AKAP6: variants seen among roughly 807,000 people sequenced by gnomAD.
AKAP6 encodes A-kinase anchor protein 6.
A neutral mutation model predicts 188.5 loss-of-function variants in AKAP6; 58 were observed. The observed-to-expected ratio is 0.31, with a 90% CI of 0.25 to 0.38. The LOEUF is 0.38. Ranked by LOEUF, AKAP6 falls within the 10% of genes least tolerant of loss-of-function variation. AKAP6 has a pLI of 1.00. For synonymous variants in AKAP6, 989 were observed against 998.6 expected (o/e 0.99, Z 0.18); for missense variants, 2,710 against 2,740.0 (o/e 0.99, Z 0.24).
At chr14:32,753,646 TG>T (rs1375321414) in intron 11 of AKAP6, among the ~76,000 whole-genome samples, 4 of 152,026 alleles carry the variant, frequency 2.6e-5, no homozygotes, top group African/African-American at 9.7e-5. Flanking sequence ...ATAGCAATTT[TG>T]GTTTTATGTT....
intron 12 of AKAP6, among the ~76,000 whole-genome samples, chr14:32,779,253 T>C (rs1343615723): frequency 6.6e-6 from 1 of 150,968 alleles, no homozygotes; most frequent in Non-Finnish European, 1.5e-5. Context: ...AAATAAAAAA[T>C]TAGCCAGGCA....
chr14:32,733,569 A>T (rs1478816818), intron 10 of AKAP6: 2 of 152,168 alleles, frequency 1.3e-5, no homozygotes, highest in East Asian at 3.8e-4. Context: ...GATTTGGAGG[A>T]ATGCCAGTAT....
chr14:32,663,812 G>A (rs879341978), intron 7 of AKAP6, among the ~76,000 whole-genome samples: 1 of 152,088 alleles, frequency 6.6e-6, no homozygotes, highest in Non-Finnish European at 1.5e-5. Flanking sequence ...ACTGGTTGAG[G>A]CTGAGGTCAG....
chr14:32,377,779 A>G (rs915347887), intron 1 of AKAP6, among the ~76,000 whole-genome samples: 3 of 152,214 alleles, frequency 2.0e-5, no homozygotes, highest in African/African-American at 7.2e-5. Flanking sequence ...CTTGTTTAAG[A>G]GCCCCTGAGT....
At chr14:32,330,888 A>G (rs1430693526) in intron 1 of AKAP6, among the ~76,000 whole-genome samples, 3 of 151,818 alleles carry the variant, frequency 2.0e-5, no homozygotes, top group Admixed American at 6.6e-5. Context: ...GCTGTATAGG[A>G]TGGGAGAGGT....
At chr14:32,571,340 A>C (rs375058393) in intron 4 of AKAP6, among the ~76,000 whole-genome samples, 3 of 152,156 alleles carry the variant, frequency 2.0e-5, no homozygotes, top group South Asian at 2.1e-4. Flanking sequence ...CCTGTGCAAC[A>C]CAGTGAGACC....
At chr14:32,574,312 T>C (rs1884627072) in intron 4 of AKAP6, among the ~76,000 whole-genome samples, 2 of 152,196 alleles carry the variant, frequency 1.3e-5, no homozygotes, top group Non-Finnish European at 1.5e-5. Flanking sequence ...AGAGGACTCC[T>C]GTTTCCCCTA....
chr14:32,696,011 A>C lies in AKAP6; in HGVS notation c.2901A>C (p.Glu967Asp), dbSNP rs1442414247. 6.2e-7 allele frequency: 1 copy of C among 1,613,274 alleles called. No homozygotes were observed. The highest frequency in any genetic ancestry group is 2.2e-5 in the East Asian group (1 of 44,828). ...GSNGLLDFDS[E>D]YQELWDWLID... ...TCAGGCTTCTGGACTTTGATTCAGA[A>C]TATCAGGAGCTCTGGGATTGGCTGA... is the stretch of plus-strand genomic sequence containing the variant. Residue 967 changes from glutamate to aspartate, a missense_variant, in exon 9 of 14, where the codon GAA becomes GAC. Transcript: ENST00000280979.
At chr14:32,585,466 G>A (rs548479658) in intron 5 of AKAP6, among the ~76,000 whole-genome samples, 4 of 150,830 alleles carry the variant, frequency 2.7e-5, no homozygotes, top group African/African-American at 4.9e-5. Context: ...GACTGTGGGG[G>A]AAAATGGTGA....
intron 4 of AKAP6, among the ~76,000 whole-genome samples, chr14:32,559,163 G>T (rs1015994268): frequency 2.0e-5 from 3 of 152,200 alleles, no homozygotes; most frequent in Non-Finnish European, 2.9e-5. Context: ...GTATCATTGA[G>T]TTTGAACTTT....
intron 5 of AKAP6, among the ~76,000 whole-genome samples, chr14:32,582,607 C>T (rs556378522): frequency 1.3e-5 from 2 of 152,170 alleles, no homozygotes. Flanking sequence ...TCCATTCTCC[C>T]TGTCACTTTC....
At position 32,658,678 on chromosome 14, in the gene AKAP6, T is replaced by C. The variant is rs1426850773; in HGVS notation, c.2731-19633T>C. Among the ~76,000 whole-genome samples the C allele has an allele frequency of 3.3e-5, 5 of 151,666 alleles. No homozygotes were observed. In the Admixed American group the frequency reaches 3.3e-4, roughly 10 times the overall value. On this transcript the variant is annotated intron_variant, in intron 7 of 13. Transcript: ENST00000280979. ...TGATTTGCATCTAGTAGGGTTTCAA[T>C]TAACTGCATTGAAAACTTAAATAAC...
intron 12 of AKAP6, among the ~76,000 whole-genome samples, chr14:32,815,585 T>G (rs1316870826): frequency 6.6e-6 from 1 of 152,228 alleles, no homozygotes; most frequent in Non-Finnish European, 1.5e-5. Context: ...TCATTTACAG[T>G]GCAGTAGAGG....
At chr14:32,735,298 C>T (rs2031362364) in intron 10 of AKAP6, among the ~76,000 whole-genome samples, 1 of 152,040 alleles carries the variant, frequency 6.6e-6, no homozygotes, top group Non-Finnish European at 1.5e-5. Flanking sequence ...CATGATAATT[C>T]AAATGAATTT....
intron 12 of AKAP6, among the ~76,000 whole-genome samples, chr14:32,774,376 G>T (rs1235780785): frequency 6.6e-6 from 1 of 152,176 alleles, no homozygotes; most frequent in Non-Finnish European, 1.5e-5. Context: ...GACATGACAT[G>T]AGTTAACATC....
chr14:32,479,803 C>T (rs1442219315), intron 2 of AKAP6, among the ~76,000 whole-genome samples: 1 of 152,116 alleles, frequency 6.6e-6, no homozygotes, highest in African/African-American at 2.4e-5. Flanking sequence ...ATCTGTGAAT[C>T]AGAAAGAGGA....
intron 9 of AKAP6, among the ~76,000 whole-genome samples, chr14:32,708,337 A>T (rs1890898833): frequency 6.6e-6 from 1 of 151,848 alleles, no homozygotes; most frequent in Non-Finnish European, 1.5e-5. Context: ...AGGGACTTAG[A>T]CTTGGGCTGG....
chr14:32,682,590 G>A (rs1889724287), intron 8 of AKAP6, among the ~76,000 whole-genome samples: 1 of 152,196 alleles, frequency 6.6e-6, no homozygotes, highest in Admixed American at 6.5e-5. Flanking sequence ...ATTGAAGTTA[G>A]AGGAGGTGTG....
intron 7 of AKAP6, among the ~76,000 whole-genome samples, chr14:32,665,222 G>A (rs1888875085): frequency 6.6e-6 from 1 of 151,966 alleles, no homozygotes; most frequent in Admixed American, 6.6e-5. Flanking sequence ...CCCACAGATT[G>A]ATGGCTCAGT....
Sources: allele counts gnomAD v4.1 joint callset (sites outside exome capture counted in the v4.1 genomes callset), GRCh38; gene constraint gnomAD v4.1.1; transcripts MANE v1.5; gene names NCBI Gene and HGNC (gene_info 2026-07-23, HGNC 2026-07-21).